The following NMNAT3 variants were observed in gnomAD, a reference collection of about 807,000 sequenced individuals.
The protein encoded by NMNAT3 is nicotinamide/nicotinic acid mononucleotide adenylyltransferase 3.
A neutral mutation model predicts 24.8 loss-of-function variants in NMNAT3; 21 were observed. The observed-to-expected ratio is 0.85, with a 90% CI of 0.60 to 1.22. The LOEUF (loss-of-function observed/expected upper bound fraction) is 1.22. NMNAT3 is among the 50% of genes most tolerant of loss of function. The pLI, the probability that NMNAT3 is intolerant of heterozygous loss-of-function variation, is 0.00. For missense variants in NMNAT3, 387 were observed against 436.6 expected, an observed-to-expected ratio of 0.89 and a Z score of 1.01; for synonymous variants, 136 against 155.2, an observed-to-expected ratio of 0.88 and a Z score of 0.92.
In NMNAT3 at chr3:139,577,849, A is replaced by C. The variant is rs566687431; in HGVS notation, c.575+1023T>G. 4 of 152,378 alleles carry C rather than the reference A, an allele frequency of 2.6e-5. No homozygotes were observed. The East Asian group carries it at 5.8e-4, about 22-fold the overall frequency. 9.4% of individuals were successfully genotyped at this position (152,378 alleles called of 1,614,324 possible). A position where few individuals can be genotyped will look rare whatever the true frequency, so the allele number is the denominator to read the frequency against. ...TCTGGCTGCTTCTTTCCACAGTAAAAGGTAAGTAATAAGAACCAGGATATA... is the reference window on the plus strand; with the variant it reads ...TCTGGCTGCTTCTTTCCACAGTAAACGGTAAGTAATAAGAACCAGGATATA... On this transcript the variant is annotated intron_variant, in intron 5 of 6. Coordinates refer to ENST00000643695, the MANE Select transcript of NMNAT3 (RefSeq NM_001320510.2).
chr3:139,560,745 C>T lies in NMNAT3; in HGVS notation c.*265G>A. On this transcript the variant is annotated 3_prime_UTR_variant, in exon 7 of 7. Transcript: ENST00000643695. ...ATAAGTAGACCTCCTTGTCCAGCAGCTCTGAGAGATTCTGCCTAATCCTAA... is the reference window on the plus strand; with the variant it reads ...ATAAGTAGACCTCCTTGTCCAGCAGTTCTGAGAGATTCTGCCTAATCCTAA... 1 of 439,488 alleles carries T rather than the reference C, an allele frequency of 2.3e-6. No homozygotes were observed. The highest frequency in any genetic ancestry group is 4.1e-6 in the Non-Finnish European group (1 of 245,656). 27.2% of individuals were successfully genotyped at this position (439,488 alleles called of 1,614,324 possible). A position where few individuals can be genotyped will look rare whatever the true frequency, so the allele number is the denominator to read the frequency against.
At chr3:139,658,631 A>G (rs1485916249) in intron 1 of NMNAT3, among the ~76,000 whole-genome samples, 1 of 152,222 alleles carries the variant, frequency 6.6e-6, no homozygotes. Flanking sequence ...GTTTTATCAT[A>G]TACCTACTCC....
chr3:139,626,701 T>A (rs1300755170), intron 3 of NMNAT3, among the ~76,000 whole-genome samples: 2 of 152,108 alleles, frequency 1.3e-5, no homozygotes, highest in Non-Finnish European at 2.9e-5. Flanking sequence ...TAATAGGATA[T>A]CACTTTTACT....
At chr3:139,616,920 C>T (rs1026783370) in intron 3 of NMNAT3, among the ~76,000 whole-genome samples, 11 of 152,238 alleles carry the variant, frequency 7.2e-5, no homozygotes, top group African/African-American at 2.7e-4. Context: ...CCTACTGCAA[C>T]ATGTCCTTTT....
chr3:139,631,525 G>C (rs990770548), intron 2 of NMNAT3, among the ~76,000 whole-genome samples: 1 of 152,150 alleles, frequency 6.6e-6, no homozygotes, highest in Non-Finnish European at 1.5e-5. Flanking sequence ...AGCATTTAAT[G>C]GAGGCCAGAG....
In NMNAT3 at chr3:139,583,096, G is replaced by A; in HGVS notation, c.222C>T (p.Ser74=). The change falls in exon 4 of 7, where the codon AGC becomes AGT. Residue 74 remains serine, a synonymous_variant. Coordinates refer to ENST00000643695, the MANE Select transcript of NMNAT3 (RefSeq NM_001320510.2). ...ATGACTTGTCAGGGTCATCATTTTT[G>A]CTGCTAACATTATTTTGAATCCTTT... 3.2e-6 allele frequency: 5 copies of A among 1,572,772 alleles called. No individual in the cohort carries two copies. Among genetic ancestry groups the A allele is most frequent in the Non-Finnish European group, 4.4e-6 (5 of 1,145,984 alleles).
chr3:139,632,716 G>A (rs571682799), intron 2 of NMNAT3, among the ~76,000 whole-genome samples: 2 of 152,336 alleles, frequency 1.3e-5, no homozygotes, highest in South Asian at 4.1e-4. Flanking sequence ...TCTATGGGAA[G>A]GACAATTCAA....
chr3:139,579,146 G>A (rs141617456), intron 4 of NMNAT3, 91 bp from the exon 5 acceptor site: 2 of 1,043,046 alleles, frequency 1.9e-6, no homozygotes, highest in African/African-American at 1.6e-5. Context: ...TGTCTCCAGT[G>A]CCTCATCCTG....
At chr3:139,623,580 T>C (rs779328474) in intron 3 of NMNAT3, among the ~76,000 whole-genome samples, 6 of 152,120 alleles carry the variant, frequency 3.9e-5, no homozygotes, top group African/African-American at 7.2e-5. Flanking sequence ...CTAGACTTAA[T>C]TGGTCGATTG....
At chr3:139,670,233 A>G (rs2057714546) in intron 1 of NMNAT3, among the ~76,000 whole-genome samples, 1 of 152,210 alleles carries the variant, frequency 6.6e-6, no homozygotes, top group Non-Finnish European at 1.5e-5. Flanking sequence ...TGTCAGTGCC[A>G]TGCCCTGAGC....
rs545541583 is a variant in NMNAT3 at position 139,560,540 on chromosome 3, T to C, written c.*470A>G. ...CAGTTCATATTCTGAAACCAGGGCG[T>C]TGACAAAACCCACTGTTCAGTAATT... On this transcript the variant is annotated 3_prime_UTR_variant, in exon 7 of 7. Transcript: ENST00000643695. 9.6e-5 allele frequency: 15 copies of C among 156,116 alleles called. No homozygotes were observed. Among genetic ancestry groups the C allele is most frequent in the Admixed American group, 6.3e-4 (10 of 15,844 alleles). The allele number at this position is 156,116 out of a possible 1,614,324, so 9.7% of individuals were successfully genotyped here.
intron 1 of NMNAT3, among the ~76,000 whole-genome samples, chr3:139,672,873 A>G (rs934623543): frequency 4.6e-5 from 7 of 152,166 alleles, no homozygotes; most frequent in Non-Finnish European, 8.8e-5. Context: ...AGTGGAAATG[A>G]ATGGGTTTCG....
chr3:139,662,104 C>G (rs992097482), intron 1 of NMNAT3, among the ~76,000 whole-genome samples: 1 of 152,184 alleles, frequency 6.6e-6, no homozygotes, highest in African/African-American at 2.4e-5. Flanking sequence ...AGCACTTCCT[C>G]TAGCGGGGGA....
intron 5 of NMNAT3, chr3:139,577,939 G>A (rs1441326335): frequency 1.3e-5 from 2 of 152,174 alleles, no homozygotes; most frequent in Non-Finnish European, 2.9e-5. Context: ...TTGAAGATAA[G>A]TTAAAAATGA....
chr3:139,664,311 C>T (rs1033156383), intron 1 of NMNAT3, among the ~76,000 whole-genome samples: 2 of 152,192 alleles, frequency 1.3e-5, no homozygotes, highest in Non-Finnish European at 2.9e-5. Flanking sequence ...GGTCCTGCAA[C>T]ACCTTCGCTT....
At chr3:139,645,674 C>T (rs1036391156) in intron 1 of NMNAT3, among the ~76,000 whole-genome samples, 2 of 152,134 alleles carry the variant, frequency 1.3e-5, no homozygotes, top group African/African-American at 2.4e-5. Context: ...AGTTTTCCTA[C>T]CCAACAATTT....
At chr3:139,643,778 G>A (rs1317347239) in intron 1 of NMNAT3, among the ~76,000 whole-genome samples, 4 of 152,168 alleles carry the variant, frequency 2.6e-5, no homozygotes, top group South Asian at 2.1e-4. Context: ...TTAGTTTTGC[G>A]AGGTAAGTTC....
intron 1 of NMNAT3, among the ~76,000 whole-genome samples, chr3:139,660,495 C>A (rs2057380343): frequency 6.6e-6 from 1 of 152,150 alleles, no homozygotes; most frequent in African/African-American, 2.4e-5. Context: ...TTATACAATT[C>A]ATTTCACCAA....
chr3:139,643,288 A>G (rs1431865622), intron 1 of NMNAT3, among the ~76,000 whole-genome samples: 1 of 152,206 alleles, frequency 6.6e-6, no homozygotes, highest in Non-Finnish European at 1.5e-5. Context: ...TGCAGCTGCT[A>G]TAGAAAACAG....
Sources: allele counts gnomAD v4.1 joint callset (sites outside exome capture counted in the v4.1 genomes callset), GRCh38; gene constraint gnomAD v4.1.1; transcripts MANE v1.5; gene names NCBI Gene and HGNC (gene_info 2026-07-23, HGNC 2026-07-21).